Variants in CNTN5 observed in about 807,000 individuals in gnomAD.
The protein encoded by CNTN5 is contactin-5.
A neutral mutation model predicts 129.1 loss-of-function variants in CNTN5; 77 were observed. That is an observed-to-expected ratio of 0.60 (90% CI 0.50 to 0.72). The LOEUF is 0.72. CNTN5 is among the 30% of genes least tolerant of loss of function. CNTN5 has a pLI of 0.00. For synonymous variants in CNTN5, 509 were observed against 465.6 expected (o/e 1.09, Z -1.20); for missense variants, 1,478 against 1,328.8 (o/e 1.11, Z -1.75).
At chr11:99,329,380 C>A (rs1865913524) in intron 2 of CNTN5, among the ~76,000 whole-genome samples, 1 of 152,074 alleles carries the variant, frequency 6.6e-6, no homozygotes, top group Non-Finnish European at 1.5e-5. Flanking sequence ...TTTAATATTT[C>A]CGTTGTGGAA....
chr11:100,033,894 C>T (rs927921189), intron 9 of CNTN5, among the ~76,000 whole-genome samples: 3 of 152,188 alleles, frequency 2.0e-5, no homozygotes, highest in Admixed American at 1.3e-4. Flanking sequence ...AAGATTGTTT[C>T]ACTTGCTAAC....
At chr11:100,178,012 T>C (rs969990377) in intron 13 of CNTN5, among the ~76,000 whole-genome samples, 3 of 152,150 alleles carry the variant, frequency 2.0e-5, no homozygotes, top group Admixed American at 6.6e-5. Context: ...ACAGAGAAAA[T>C]AGGTAGAGGC....
At chr11:99,844,642 C>G in intron 4 of CNTN5, 1 of 545,322 alleles carries the variant, frequency 1.8e-6, no homozygotes, top group Admixed American at 3.4e-5. Flanking sequence ...ACACGTTTAA[C>G]AGCATTTTTA....
intron 1 of CNTN5, among the ~76,000 whole-genome samples, chr11:99,054,945 A>C (rs1270707960): frequency 6.6e-6 from 1 of 151,996 alleles, no homozygotes; most frequent in Non-Finnish European, 1.5e-5. Flanking sequence ...CTAAGCTAAA[A>C]ATTTTCTGGA....
intron 20 of CNTN5, 61 bp from the exon 21 acceptor site, chr11:100,308,298 A>T: frequency 6.8e-7 from 1 of 1,465,430 alleles, no homozygotes; most frequent in Admixed American, 2.1e-5. Context: ...TGACAGACTC[A>T]GGCGCAATAC....
chr11:100,116,892 C>A (rs566740644), intron 13 of CNTN5, among the ~76,000 whole-genome samples: 1 of 151,824 alleles, frequency 6.6e-6, no homozygotes, highest in East Asian at 1.9e-4. Flanking sequence ...ATAATAGCTC[C>A]CAAGAAGCTC....
At chr11:99,450,213 G>A (rs772380934) in intron 2 of CNTN5, among the ~76,000 whole-genome samples, 3 of 150,870 alleles carry the variant, frequency 2.0e-5, no homozygotes, top group Non-Finnish European at 2.9e-5. Context: ...GAAACTCAGA[G>A]AATAAATATT....
intron 2 of CNTN5, among the ~76,000 whole-genome samples, chr11:99,389,591 C>G (rs746905052): frequency 6.6e-6 from 1 of 152,152 alleles, no homozygotes; most frequent in Non-Finnish European, 1.5e-5. Flanking sequence ...TTTCATATAA[C>G]TCTGTCCTAC....
chr11:100,098,559 C>T (rs953230204), intron 13 of CNTN5, among the ~76,000 whole-genome samples: 1 of 152,054 alleles, frequency 6.6e-6, no homozygotes, highest in East Asian at 1.9e-4. Context: ...AGGAACACTA[C>T]TCATTTTGGA....
At chr11:100,226,668 T>C (rs1446109457) in intron 16 of CNTN5, among the ~76,000 whole-genome samples, 1 of 152,198 alleles carries the variant, frequency 6.6e-6, no homozygotes, top group Non-Finnish European at 1.5e-5. Flanking sequence ...TATATTTGCA[T>C]TACTTTTCTA....
chr11:99,732,804 G>A (rs553990079), intron 3 of CNTN5, among the ~76,000 whole-genome samples: 1 of 152,040 alleles, frequency 6.6e-6, no homozygotes, highest in Non-Finnish European at 1.5e-5. Flanking sequence ...ATGAGGAATA[G>A]TATGAAAGAT....
At chr11:99,962,764 A>C (rs557513236) in intron 8 of CNTN5, among the ~76,000 whole-genome samples, 39 of 151,784 alleles carry the variant, frequency 2.6e-4, no homozygotes, top group African/African-American at 9.2e-4. Flanking sequence ...AGTAGTTTAC[A>C]TTCCCACCAA....
intron 6 of CNTN5, among the ~76,000 whole-genome samples, chr11:99,869,246 C>T (rs1285347943): frequency 6.6e-6 from 1 of 152,054 alleles, no homozygotes; most frequent in Non-Finnish European, 1.5e-5. Context: ...TTTGGTGAAG[C>T]ACATAGACTC....
intron 15 of CNTN5, among the ~76,000 whole-genome samples, chr11:100,199,575 T>A (rs1948726211): frequency 1.3e-5 from 2 of 151,920 alleles, no homozygotes; most frequent in South Asian, 4.1e-4. Context: ...TTCAAAGGTT[T>A]TAGAATATTC....
intron 1 of CNTN5, among the ~76,000 whole-genome samples, chr11:99,259,411 A>G (rs1862527724): frequency 6.6e-6 from 1 of 151,884 alleles, no homozygotes; most frequent in Non-Finnish European, 1.5e-5. Context: ...AAAAAGTGAG[A>G]TCATACTAAA....
intron 2 of CNTN5, among the ~76,000 whole-genome samples, chr11:99,408,462 G>GAAAGAAAGAAAC (rs1942222284): frequency 7.6e-6 from 1 of 131,480 alleles, no homozygotes; most frequent in Non-Finnish European, 1.6e-5. Flanking sequence ...AAGAAAGAAA[G>GAAAGAAAGAAAC]AAAGAAAGAA....
chr11:100,057,968 C>T (rs1187957518), intron 9 of CNTN5, among the ~76,000 whole-genome samples: 1 of 151,834 alleles, frequency 6.6e-6, no homozygotes, highest in Non-Finnish European at 1.5e-5. Context: ...AATTGAGAAA[C>T]CTAAAGAAAT....
intron 15 of CNTN5, among the ~76,000 whole-genome samples, chr11:100,221,918 C>T (rs1240356247): frequency 1.3e-5 from 2 of 152,132 alleles, no homozygotes; most frequent in Non-Finnish European, 2.9e-5. Flanking sequence ...CAAGCATCTG[C>T]TTTAAGTAAC....
chr11:99,838,569 C>A (rs1037545338), intron 4 of CNTN5, among the ~76,000 whole-genome samples: 1 of 152,150 alleles, frequency 6.6e-6, no homozygotes. Flanking sequence ...CTGGGAGGTT[C>A]TGGCTCTAGG....
Sources: gnomAD v4.1 joint callset for allele counts (sites outside exome capture counted in the v4.1 genomes callset) on GRCh38, gnomAD v4.1.1 for gene constraint, MANE v1.5 for transcripts, NCBI Gene and HGNC (gene_info 2026-07-23, HGNC 2026-07-21) for gene names.